Variants in PML observed in about 807,000 individuals in gnomAD.
PML encodes the protein PML nuclear body scaffold.
A neutral mutation model predicts 65.2 loss-of-function variants in PML; 28 were observed. That is an observed-to-expected ratio of 0.43 (90% CI 0.32 to 0.59). The LOEUF (loss-of-function observed/expected upper bound fraction) is 0.59. Ranked by LOEUF, PML falls within the 20% of genes least tolerant of loss-of-function variation. The pLI is 0.08. For missense variants in PML, 1,021 were observed against 1,203.4 expected (o/e 0.85, Z 2.24); for synonymous variants, 500 against 508.8 (o/e 0.98, Z 0.23).
chr15:74,042,179 C>T lies in PML; in HGVS notation c.1711-810C>T, dbSNP rs1246281981. ...TCTGGCTCCCCACCCCATGGCTTCT[C>T]GAACAGTGTTCCCACCAGGACCTTG... On this transcript the variant is annotated intron_variant, in intron 7 of 8. Transcript: ENST00000268058. The surrounding 1 kb of genome is among the most constrained non-coding windows in gnomAD (Gnocchi z 5.3). Among the ~76,000 whole-genome samples the T allele has an allele frequency of 1.3e-5, 2 of 152,202 alleles. No homozygotes were observed. Among genetic ancestry groups the T allele is most frequent in the African/African-American group, 2.4e-5 (1 of 41,444 alleles).
chr15:73,996,685 A>G (rs1197010280), intron 1 of PML, among the ~76,000 whole-genome samples: 1 of 152,210 alleles, frequency 6.6e-6, no homozygotes, highest in Non-Finnish European at 1.5e-5. Flanking sequence ...GCAGTTTCTC[A>G]GAATAACCAG....
In PML at chr15:74,035,311, A is replaced by C. The variant is rs775515717; in HGVS notation, c.1710+781A>C. The C allele has an allele frequency of 6.8e-6, 11 of 1,612,322 alleles. No homozygotes were observed. Among genetic ancestry groups the C allele is most frequent in the Non-Finnish European group, 9.3e-6 (11 of 1,179,834 alleles). ...GCCTCCAGCCTGCCCTGTGGCACATACCACCCCCCAGCTTGGCCTCCCCAC... is the reference window on the plus strand; with the variant it reads ...GCCTCCAGCCTGCCCTGTGGCACATCCCACCCCCCAGCTTGGCCTCCCCAC... On this transcript the variant is annotated intron_variant, in intron 7 of 8. Coordinates refer to ENST00000268058, the MANE Select transcript of PML (RefSeq NM_033238.3). This position sits in a 1 kb window ranked among gnomAD's most constrained non-coding sequence, Gnocchi z 4.1.
chr15:74,034,369 C>T lies in PML; in HGVS notation c.1658-109C>T, dbSNP rs569265998. On this transcript the variant is annotated intron_variant, in intron 6 of 8. Coordinates refer to ENST00000268058, the MANE Select transcript of PML (RefSeq NM_033238.3). ...TGTTCCCGTCCCCCTGCAGGGCATC[C>T]GTTTCCCCCAGCCGACTGGCCTGCA... is the stretch of plus-strand genomic sequence containing the variant. 18 of 1,429,284 alleles carry T rather than the reference C, an allele frequency of 1.3e-5. No individual in the cohort carries two copies. The South Asian group carries it at 1.3e-4, about 10-fold the overall frequency. 88.5% of individuals were successfully genotyped at this position (1,429,284 alleles called of 1,614,324 possible).
rs1215404001 is a variant in PML, at chr15:74,046,014, G to A, written c.*1006G>A. ...CAAGGGGAAGCAGTGTGGAACAGCA[G>A]AGAAAGTCCCGTCCCTATCTCTGAC... On this transcript the variant is annotated 3_prime_UTR_variant, in exon 9 of 9. Transcript: ENST00000268058. 5.2e-5 allele frequency: 12 copies of A among 232,938 alleles called. No individual in the cohort carries two copies. The East Asian group carries it at 7.3e-4, about 14-fold the overall frequency. 14.4% of individuals were successfully genotyped at this position (232,938 alleles called of 1,614,324 possible).
At chr15:74,017,518 G>A (rs898828642) in intron 2 of PML, among the ~76,000 whole-genome samples, 5 of 151,960 alleles carry the variant, frequency 3.3e-5, no homozygotes, top group African/African-American at 7.2e-5. Flanking sequence ...GTGTGGTGGC[G>A]TACACCTGTA....
intron 5 of PML, 74 bp downstream of exon 5, chr15:74,032,789 G>T (rs1279856504): frequency 6.7e-7 from 1 of 1,500,714 alleles, no homozygotes; most frequent in African/African-American, 1.4e-5. Flanking sequence ...TGGCACTGGG[G>T]TGGGAATCCA....
chr15:74,035,457 A>G lies in PML; in HGVS notation c.1710+927A>G. 6.2e-7 allele frequency: 1 copy of G among 1,612,430 alleles called. No individual in the cohort carries two copies. Among genetic ancestry groups the G allele is most frequent in the South Asian group, 1.1e-5 (1 of 91,088 alleles). On this transcript the variant is annotated intron_variant, in intron 7 of 8. Coordinates refer to ENST00000268058, the MANE Select transcript of PML (RefSeq NM_033238.3). The surrounding 1 kb of genome is among the most constrained non-coding windows in gnomAD (Gnocchi z 4.1). Reference sequence around the variant, plus strand: ...CCTGTTGTACAGAGCACAGAGAGCCATCCGCCTTCGCCATGCCCTCCGCTT... The same window carrying G: ...CCTGTTGTACAGAGCACAGAGAGCCGTCCGCCTTCGCCATGCCCTCCGCTT...
intron 2 of PML, among the ~76,000 whole-genome samples, chr15:74,005,855 C>T (rs1247092704): frequency 6.6e-6 from 1 of 152,126 alleles, no homozygotes; most frequent in Non-Finnish European, 1.5e-5. Flanking sequence ...GTGTTTGTAG[C>T]TAGCGTGGGC....
At chr15:74,022,792 A>G in intron 2 of PML, 36 bp from the exon 3 acceptor site, 1 of 1,551,728 alleles carries the variant, frequency 6.4e-7, no homozygotes, top group Non-Finnish European at 8.9e-7. Flanking sequence ...AAAAGTCAGG[A>G]GAGTCCTAAC....
At chr15:74,003,229 C>T (rs1471865290) in intron 2 of PML, among the ~76,000 whole-genome samples, 1 of 152,072 alleles carries the variant, frequency 6.6e-6, no homozygotes, top group Non-Finnish European at 1.5e-5. Flanking sequence ...GTCAGGAGTT[C>T]AATACCAGCC....
At chr15:74,044,105 C>T in intron 8 of PML, 116 bp from the exon 9 acceptor site, 1 of 961,014 alleles carries the variant, frequency 1.0e-6, no homozygotes, top group Non-Finnish European at 1.7e-6. Flanking sequence ...CTACTGCCAG[C>T]AGACCCCAAG....
chr15:74,022,209 G>A (rs998281115), intron 2 of PML, among the ~76,000 whole-genome samples: 6 of 152,086 alleles, frequency 3.9e-5, no homozygotes, highest in East Asian at 3.9e-4. Flanking sequence ...CTCCCGCCCC[G>A]GCCTCCCAAA....
chr15:74,010,128 C>T (rs2070253272), intron 2 of PML, among the ~76,000 whole-genome samples: 1 of 151,670 alleles, frequency 6.6e-6, no homozygotes, highest in African/African-American at 2.4e-5. Context: ...ATCCTCCCAC[C>T]TCAGACCCCC....
chr15:73,995,031 G>C, intron 1 of PML, 90 bp downstream of exon 1: 1 of 1,228,818 alleles, frequency 8.1e-7, no homozygotes. Context: ...CGGAGGATTT[G>C]GTCAAGTACC....
chr15:73,998,541 A>AG, intron 2 of PML, 65 bp downstream of exon 2: 1 of 1,364,414 alleles, frequency 7.3e-7, no homozygotes, highest in African/African-American at 1.4e-5. Context: ...AGAGGAGCAA[A>AG]GATCCAAAGA....
At chr15:74,034,757 G>C in intron 7 of PML, 3 of 1,475,104 alleles carry the variant, frequency 2.0e-6, no homozygotes, top group South Asian at 2.8e-5. Flanking sequence ...CTGAAATGCT[G>C]ATAGCATGTG....
chr15:74,013,258 A>T (rs1022202802), intron 2 of PML, among the ~76,000 whole-genome samples: 6 of 152,172 alleles, frequency 3.9e-5, no homozygotes, highest in African/African-American at 1.4e-4. Flanking sequence ...TACTAATAAT[A>T]TCACAATTTG....
intron 2 of PML, among the ~76,000 whole-genome samples, chr15:74,010,011 G>C (rs1418382602): frequency 6.7e-6 from 1 of 149,302 alleles, no homozygotes; most frequent in African/African-American, 2.5e-5. Flanking sequence ...GAACAATTTG[G>C]GTTTTTTAGT....
At position 74,043,568 on chromosome 15, in the gene PML, C is replaced by T. The variant is rs1415798497; in HGVS notation, c.1861+429C>T. Among the ~76,000 whole-genome samples, 2 of 152,218 alleles carry T rather than the reference C, an allele frequency of 1.3e-5. No homozygotes were observed. The highest frequency in any genetic ancestry group is 2.4e-5 in the African/African-American group (1 of 41,460). Reference sequence around the variant, plus strand: ...ACAGGGCTGCCCACAGATCCAAGGTCACAGAGGGATCAGACCCCTTATCCT... The same window carrying T: ...ACAGGGCTGCCCACAGATCCAAGGTTACAGAGGGATCAGACCCCTTATCCT... On this transcript the variant is annotated intron_variant, in intron 8 of 8. Coordinates refer to ENST00000268058, the MANE Select transcript of PML (RefSeq NM_033238.3). This position sits in a 1 kb window ranked among gnomAD's most constrained non-coding sequence, Gnocchi z 4.3.
Sources: gnomAD v4.1 joint callset for allele counts (sites outside exome capture counted in the v4.1 genomes callset) on GRCh38, gnomAD v4.1.1 for gene constraint, Gnocchi (gnomAD v3.1) non-coding constraint, MANE v1.5 for transcripts, NCBI Gene and HGNC (gene_info 2026-07-23, HGNC 2026-07-21) for gene names.